The following EYS variants were observed in gnomAD, a reference collection of about 807,000 sequenced individuals.
EYS encodes the protein protein eyes shut homolog.
Under a neutral mutation model 282.1 loss-of-function variants are expected in EYS, and 250 were observed. The ratio of observed to expected loss-of-function variants is 0.89; its 90% confidence interval spans 0.80 to 0.98. The LOEUF is 0.98. Among genes scored for constraint, EYS ranks in the 50% least tolerant of loss-of-function variants. EYS has a pLI of 0.00. For synonymous variants in EYS, 1,355 were observed against 1,282.9 expected (o/e 1.06, Z -1.20); for missense variants, 4,016 against 3,709.0 (o/e 1.08, Z -2.15).
At chr6:64,120,818 A>G (rs1773561673) in intron 31 of EYS, among the ~76,000 whole-genome samples, 1 of 152,204 alleles carries the variant, frequency 6.6e-6, no homozygotes, top group Non-Finnish European at 1.5e-5. Context: ...GTGACTTAAA[A>G]TGACACAAAT....
At chr6:65,154,559 C>T (rs184960447) in intron 12 of EYS, among the ~76,000 whole-genome samples, 143 of 151,504 alleles carry the variant, frequency 9.4e-4, no homozygotes, top group African/African-American at 3.3e-3. Flanking sequence ...AGATCACACT[C>T]TGTTATTTGA....
At chr6:64,051,669 A>C (rs969542790) in intron 33 of EYS, among the ~76,000 whole-genome samples, 10 of 152,182 alleles carry the variant, frequency 6.6e-5, no homozygotes, top group African/African-American at 2.4e-4. Context: ...TGATGACCAG[A>C]TAAATGAGCA....
At chr6:64,299,011 A>G (rs764018582) in intron 30 of EYS, among the ~76,000 whole-genome samples, 3 of 152,220 alleles carry the variant, frequency 2.0e-5, no homozygotes, top group Non-Finnish European at 4.4e-5. Flanking sequence ...GTAGGAGTTC[A>G]GTCAGGGTGG....
chr6:65,668,426 TG>T (rs1768271745), intron 1 of EYS, among the ~76,000 whole-genome samples: 1 of 151,914 alleles, frequency 6.6e-6, no homozygotes, highest in African/African-American at 2.4e-5. Context: ...GCTGGCCAGC[TG>T]TTTTTGTAAA....
chr6:64,848,952 C>A (rs1489289350), intron 19 of EYS, among the ~76,000 whole-genome samples: 1 of 152,008 alleles, frequency 6.6e-6, no homozygotes, highest in Non-Finnish European at 1.5e-5. Context: ...AGTTTGAATA[C>A]CCTAATATTT....
intron 35 of EYS, among the ~76,000 whole-genome samples, chr6:63,889,546 A>G (rs552568272): frequency 6.6e-6 from 1 of 152,358 alleles, no homozygotes; most frequent in East Asian, 1.9e-4. Flanking sequence ...AGGAGAAATA[A>G]AATCCTTTAC....
intron 13 of EYS, among the ~76,000 whole-genome samples, chr6:65,040,291 A>G (rs1490004875): frequency 1.3e-5 from 2 of 151,682 alleles, no homozygotes; most frequent in Non-Finnish European, 3.0e-5. Context: ...ATGAGAGAGA[A>G]TCTCTTCCAT....
intron 31 of EYS, among the ~76,000 whole-genome samples, chr6:64,093,803 T>A (rs1300803172): frequency 6.6e-6 from 1 of 152,106 alleles, no homozygotes; most frequent in East Asian, 1.9e-4. Flanking sequence ...TGAATAGGAG[T>A]GGCGAGAGAG....
chr6:64,684,100 A>T (rs578016500), intron 22 of EYS, among the ~76,000 whole-genome samples: 4 of 152,256 alleles, frequency 2.6e-5, no homozygotes, highest in African/African-American at 9.6e-5. Context: ...TACAATGCAT[A>T]TCTTAAGAGA....
intron 33 of EYS, among the ~76,000 whole-genome samples, chr6:64,016,702 C>G (rs1442431158): frequency 6.6e-6 from 1 of 152,058 alleles, no homozygotes; most frequent in Non-Finnish European, 1.5e-5. Flanking sequence ...CCTCAAACTA[C>G]TGTGCTCAAG....
At chr6:65,407,822 A>T (rs1323959291) in intron 5 of EYS, among the ~76,000 whole-genome samples, 5 of 150,606 alleles carry the variant, frequency 3.3e-5, no homozygotes, top group African/African-American at 1.2e-4. Flanking sequence ...CCTATGTTCC[A>T]GTGTTAAATA....
At chr6:64,772,393 T>C (rs765679164) in intron 22 of EYS, among the ~76,000 whole-genome samples, 4 of 151,800 alleles carry the variant, frequency 2.6e-5, no homozygotes, top group Non-Finnish European at 4.4e-5. Flanking sequence ...AGTTTTTGTA[T>C]ACATTTATGG....
intron 1 of EYS, among the ~76,000 whole-genome samples, chr6:65,644,061 A>G (rs563992682): frequency 1.1e-4 from 17 of 152,316 alleles, no homozygotes; most frequent in Admixed American, 9.8e-4. Flanking sequence ...CAATGGATCC[A>G]AACCAAGATG....
chr6:64,590,844 A>G lies in EYS; in HGVS notation c.5023T>C (p.Ser1675Pro). ...AAATCAGAATTCATCAAGTCTGAAGAGATAGTTTGTGAAGGGACAATGGAT... is the reference window on the plus strand; with the variant it reads ...AAATCAGAATTCATCAAGTCTGAAGGGATAGTTTGTGAAGGGACAATGGAT... ...CLSIVPSQTISSDLMNSDLTS... is the reference protein window; with the variant it reads ...CLSIVPSQTIPSDLMNSDLTS... Residue 1675 changes from serine to proline, a missense_variant, in exon 26 of 43, where the codon TCT becomes CCT. Transcript: ENST00000503581. The G allele has an allele frequency of 6.4e-7, 1 of 1,550,648 alleles. No individual in the cohort carries two copies. The highest frequency in any genetic ancestry group is 8.7e-7 in the Non-Finnish European group (1 of 1,146,390).
At chr6:65,519,039 G>A (rs1235727324) in intron 2 of EYS, among the ~76,000 whole-genome samples, 1 of 152,116 alleles carries the variant, frequency 6.6e-6, no homozygotes. Flanking sequence ...GAAATTCTTT[G>A]AAATGAAGAA....
intron 2 of EYS, among the ~76,000 whole-genome samples, chr6:65,573,942 A>G (rs895658994): frequency 6.6e-6 from 1 of 152,150 alleles, no homozygotes; most frequent in African/African-American, 2.4e-5. Flanking sequence ...AGAGTTAAGC[A>G]GTATCCTAGT....
At chr6:65,219,151 T>G (rs901761392) in intron 12 of EYS, among the ~76,000 whole-genome samples, 3 of 152,132 alleles carry the variant, frequency 2.0e-5, no homozygotes, top group African/African-American at 7.2e-5. Context: ...TTATATGGCA[T>G]TTAAATCAAG....
At chr6:65,175,670 T>A (rs1048747980) in intron 12 of EYS, among the ~76,000 whole-genome samples, 4 of 151,508 alleles carry the variant, frequency 2.6e-5, no homozygotes, top group Non-Finnish European at 4.4e-5. Flanking sequence ...TAAGTTTATA[T>A]ATGAAGGTGA....
rs372627703 is a variant in EYS at position 64,004,932 on chromosome 6, CAT to C, written c.6726-5751_6726-5750del. On this transcript the variant is annotated intron_variant, in intron 33 of 42. Coordinates refer to ENST00000503581, the MANE Select transcript of EYS (RefSeq NM_001142800.2). ...TAGTGCTGTGATGAACATATGGGTG[CAT>C]ATGTCTTTTTGGCAGAACAATCTAT... Among the ~76,000 whole-genome samples the C allele has an allele frequency of 2.6e-3, 395 of 152,204 alleles. 1 individual carries two copies. Among genetic ancestry groups the C allele is most frequent in the Middle Eastern group, 0.014 (4 of 294 alleles).
Sources: allele counts gnomAD v4.1 joint callset (sites outside exome capture counted in the v4.1 genomes callset), GRCh38; gene constraint gnomAD v4.1.1; transcripts MANE v1.5; gene names NCBI Gene and HGNC (gene_info 2026-07-23, HGNC 2026-07-21).